Variants in EML6 observed in about 807,000 individuals in gnomAD.
EML6 encodes echinoderm microtubule-associated protein-like 6.
Under a neutral mutation model 240.1 loss-of-function variants are expected in EML6, and 154 were observed. The observed-to-expected ratio is 0.64, with a 90% CI of 0.56 to 0.73. EML6 has a LOEUF of 0.73. Ranked by LOEUF, EML6 falls within the 30% of genes least tolerant of loss-of-function variation. The probability of loss-of-function intolerance (pLI) is 0.00; values close to 1 mark genes in which losing one functional copy is unlikely to be tolerated. For missense variants in EML6, 2,964 were observed against 2,474.6 expected (o/e 1.20, Z -4.20); for synonymous variants, 1,148 against 899.0 (o/e 1.28, Z -4.95).
intron 21 of EML6, among the ~76,000 whole-genome samples, chr2:54,898,637 A>T (rs999063212): frequency 2.9e-4 from 44 of 152,310 alleles, no homozygotes; most frequent in African/African-American, 9.1e-4. Flanking sequence ...TCTCAGTTAA[A>T]TTGGAATCAT....
chr2:54,902,214 A>G (rs962381714), intron 22 of EML6, among the ~76,000 whole-genome samples: 3 of 152,188 alleles, frequency 2.0e-5, no homozygotes, highest in Non-Finnish European at 4.4e-5. Context: ...CTTAAATATT[A>G]CCTCTTTTCT....
chr2:54,929,244 G>C (rs1674726082), intron 28 of EML6, among the ~76,000 whole-genome samples: 2 of 152,152 alleles, frequency 1.3e-5, no homozygotes, highest in Admixed American at 6.5e-5. Flanking sequence ...GCCCAGATTT[G>C]TCCAGGTGGG....
intron 5 of EML6, among the ~76,000 whole-genome samples, chr2:54,823,276 G>A (rs1172975951): frequency 1.3e-5 from 2 of 152,154 alleles, no homozygotes; most frequent in African/African-American, 4.8e-5. Context: ...GCCTCAGTGG[G>A]TGGGTGAGTT....
In EML6 at chr2:54,970,135, C is replaced by T. The variant is rs374242112; in HGVS notation, c.*40C>T. 86 of 1,547,672 alleles carry T rather than the reference C, an allele frequency of 5.6e-5. No individual in the cohort carries two copies. The highest frequency in any genetic ancestry group is 1.7e-4 in the Middle Eastern group (1 of 6,012). On this transcript the variant is annotated 3_prime_UTR_variant, in exon 42 of 42. Coordinates refer to ENST00000356458, the MANE Select transcript of EML6 (RefSeq NM_001039753.4). Reference sequence around the variant, plus strand: ...CTTATGTTATTGCTGCTGCTGCTACCAGCCAGCAACTGCAGAGGCCATGCT... The same window carrying T: ...CTTATGTTATTGCTGCTGCTGCTACTAGCCAGCAACTGCAGAGGCCATGCT...
In EML6 at chr2:54,964,046, G is replaced by T; in HGVS notation, c.5218G>T (p.Gly1740Trp). ...AARCAAYSPD[G>W]EMVAIGMKNG... ...CAGGTGTGCAGCCTACAGCCCTGATGGGGAGATGGTGGCCATTGGCATGAA... is the reference window on the plus strand; with the variant it reads ...CAGGTGTGCAGCCTACAGCCCTGATTGGGAGATGGTGGCCATTGGCATGAA... Residue 1740 changes from glycine to tryptophan, a missense_variant, in exon 37 of 42, where the codon GGG becomes TGG. By Grantham distance (184) the Gly-to-Trp change is radical. Transcript: ENST00000356458. The T allele has an allele frequency of 6.4e-7, 1 of 1,551,760 alleles. No individual in the cohort carries two copies.
chr2:54,846,477 A>T (rs1669758886), intron 8 of EML6, among the ~76,000 whole-genome samples: 1 of 116,224 alleles, frequency 8.6e-6, no homozygotes, highest in African/African-American at 3.1e-5. Context: ...AGATATATTG[A>T]TACATAATTT....
chr2:54,803,381 G>A (rs191058874), intron 2 of EML6, among the ~76,000 whole-genome samples: 59 of 152,222 alleles, frequency 3.9e-4, no homozygotes, highest in African/African-American at 1.4e-3. Flanking sequence ...GCAATTGAGG[G>A]GTAAGGGGTT....
rs144026298 is a variant in EML6, at chr2:54,724,811, C to G, written c.-251C>G. On this transcript the variant is annotated 5_prime_UTR_variant, in exon 2 of 42. Coordinates refer to ENST00000356458, the MANE Select transcript of EML6 (RefSeq NM_001039753.4). The surrounding 1 kb of genome is among the most constrained non-coding windows in gnomAD (Gnocchi z 5.2). Reference sequence around the variant, plus strand: ...GCGCCGGTGCCGGCGCCCCCAGAGCCGCCTTGCCCGGGTAGAGGGAGCCCG... The same window carrying G: ...GCGCCGGTGCCGGCGCCCCCAGAGCGGCCTTGCCCGGGTAGAGGGAGCCCG... 5,863 of 161,366 alleles carry G rather than the reference C, an allele frequency of 0.036. 151 individuals are homozygous for G. The highest frequency in any genetic ancestry group is 0.082 in the Admixed American group (1,273 of 15,456). The allele number at this position is 161,366 out of a possible 1,614,324, so 10.0% of individuals were successfully genotyped here. A position where few individuals can be genotyped will look rare whatever the true frequency, so the allele number is the denominator to read the frequency against.
At chr2:54,861,648 A>G (rs1670677540) in intron 12 of EML6, among the ~76,000 whole-genome samples, 1 of 152,186 alleles carries the variant, frequency 6.6e-6, no homozygotes, top group Non-Finnish European at 1.5e-5. Context: ...GGGGCCACCA[A>G]AACAGACAAT....
At chr2:54,915,041 C>T (rs988228151) in intron 25 of EML6, among the ~76,000 whole-genome samples, 1 of 152,158 alleles carries the variant, frequency 6.6e-6, no homozygotes, top group African/African-American at 2.4e-5. Context: ...ACATGTCTAC[C>T]TGAGGCAAGG....
At position 54,960,237 on chromosome 2, in the gene EML6, C is replaced by T. The variant is rs1339201623; in HGVS notation, c.4871C>T (p.Ala1624Val). ...GKERPTKEGG[A>V]VKLWDQEMKR... The stretch of plus-strand genomic sequence containing the variant: ...TTTTTTAGGACCAAAGAAGGAGGTG[C>T]TGTAAAATTGTGGGACCAGGAGATG... Residue 1624 changes from alanine to valine, a missense_variant, in exon 35 of 42, where the codon GCT becomes GTT. By Grantham distance (64) the Ala-to-Val change is moderately conservative (BLOSUM62 0). Coordinates refer to ENST00000356458, the MANE Select transcript of EML6 (RefSeq NM_001039753.4). The T allele has an allele frequency of 6.4e-7, 1 of 1,551,214 alleles. No individual in the cohort carries two copies. The highest frequency in any genetic ancestry group is 2.0e-5 in the Admixed American group (1 of 50,988).
chr2:54,895,934 T>C (rs1672738688), intron 21 of EML6, among the ~76,000 whole-genome samples: 2 of 152,254 alleles, frequency 1.3e-5, no homozygotes, highest in Admixed American at 6.5e-5. Flanking sequence ...TACATAATTA[T>C]GTCATCACAT....
chr2:54,907,096 T>C (rs1015819170), intron 24 of EML6, among the ~76,000 whole-genome samples: 2 of 151,968 alleles, frequency 1.3e-5, no homozygotes, highest in East Asian at 3.9e-4. Context: ...GAATGAAAGC[T>C]CCAGCATGGA....
At chr2:54,895,192 C>A in intron 20 of EML6, 81 bp from the exon 21 acceptor site, 2 of 1,470,064 alleles carry the variant, frequency 1.4e-6, no homozygotes, top group Non-Finnish European at 9.3e-7. Flanking sequence ...GTACCTAGTT[C>A]TTTGGAGCTA....
At chr2:54,941,623 A>C (rs891735451) in intron 28 of EML6, among the ~76,000 whole-genome samples, 1 of 152,242 alleles carries the variant, frequency 6.6e-6, no homozygotes, top group African/African-American at 2.4e-5. Flanking sequence ...ATGGGGAGGA[A>C]CTTCTAGTTC....
chr2:54,850,400 C>T (rs1440455145), intron 10 of EML6, 182 bp downstream of exon 10: 4 of 579,896 alleles, frequency 6.9e-6, no homozygotes, highest in Non-Finnish European at 1.2e-5. Context: ...AAATAACAGA[C>T]ATTCAAAGGA....
intron 28 of EML6, among the ~76,000 whole-genome samples, chr2:54,946,607 T>C (rs1390406285): frequency 6.6e-6 from 1 of 152,236 alleles, no homozygotes; most frequent in Admixed American, 6.5e-5. Context: ...TATAGATGCC[T>C]GGAAAGAAGC....
intron 28 of EML6, among the ~76,000 whole-genome samples, chr2:54,941,816 C>A (rs1479998688): frequency 1.3e-5 from 2 of 152,256 alleles, no homozygotes; most frequent in African/African-American, 4.8e-5. Flanking sequence ...TCTCTCGAAG[C>A]TGCGTTCTTC....
intron 6 of EML6, among the ~76,000 whole-genome samples, chr2:54,828,768 T>C (rs887588421): frequency 6.6e-6 from 1 of 152,252 alleles, no homozygotes; most frequent in Non-Finnish European, 1.5e-5. Context: ...TAAAGTATTT[T>C]CCTGTGGAGG....
Sources: gnomAD v4.1 joint callset for allele counts (sites outside exome capture counted in the v4.1 genomes callset) on GRCh38, gnomAD v4.1.1 for gene constraint, Gnocchi (gnomAD v3.1) non-coding constraint, MANE v1.5 for transcripts, NCBI Gene and HGNC (gene_info 2026-07-23, HGNC 2026-07-21) for gene names.